The following EXT1 variants were observed in gnomAD, a reference collection of about 807,000 sequenced individuals.
The protein encoded by EXT1 is exostosin glycosyltransferase 1, also known as exostosin-1.
In EXT1, 20 loss-of-function variants were observed where a neutral mutation model predicts 82.5. The ratio of observed to expected loss-of-function variants is 0.24; its 90% CI spans 0.17 to 0.35. EXT1 has a LOEUF of 0.35. Ranked by LOEUF, EXT1 falls within the 10% of genes least tolerant of loss-of-function variation. EXT1 has a pLI of 1.00. For synonymous variants in EXT1, 348 were observed against 350.8 expected (o/e 0.99, Z 0.09); for missense variants, 757 against 936.5 (o/e 0.81, Z 2.50).
chr8:117,886,164 A>G (rs1007874565), intron 1 of EXT1, among the ~76,000 whole-genome samples: 7 of 152,252 alleles, frequency 4.6e-5, no homozygotes, highest in African/African-American at 1.7e-4. Context: ...TAGCAAAAAT[A>G]GCAGTATATA....
intron 1 of EXT1, among the ~76,000 whole-genome samples, chr8:117,992,944 T>C (rs1815465711): frequency 1.3e-5 from 2 of 152,326 alleles, no homozygotes; most frequent in South Asian, 2.1e-4. Context: ...TATTTCAGCT[T>C]CACAGACAGC....
Position 117,818,485 on chromosome 8 carries a change from G to A in EXT1, c.1582C>T (p.Arg528Cys), listed in dbSNP as rs761451875. The A allele has an allele frequency of 4.3e-6, 7 of 1,614,024 alleles. No homozygotes were observed. The highest frequency in any genetic ancestry group is 1.3e-5 in the African/African-American group (1 of 74,996). Reference protein sequence around the residue: ...NCDKPLPAKHRWPATAVPVVV... With the variant: ...NCDKPLPAKHCWPATAVPVVV... ...ACAGGCACAGCAGTGGCAGGCCAGC[G>A]GTGTTTGGCTGGTAGGGGCTTGTCA... Residue 528 changes from arginine to cysteine, a missense_variant, in exon 7 of 11, where the codon CGC (arginine) becomes TGC (cysteine). Physicochemically the swap from Arg to Cys is radical, Grantham distance 180 (BLOSUM62 -3). This residue lies in a region of EXT1 where 207 missense variants were observed against 224.2 expected (regional missense o/e 0.92). Coordinates refer to ENST00000378204, the MANE Select transcript of EXT1 (RefSeq NM_000127.3).
chr8:118,110,321 G>A lies in EXT1; in HGVS notation c.726C>T (p.Pro242=), dbSNP rs776577573. The A allele has an allele frequency of 5.6e-6, 9 of 1,614,056 alleles. No homozygotes were observed. The highest frequency in any genetic ancestry group is 6.8e-6 in the Non-Finnish European group (8 of 1,180,046). ...VSIPLFSKDH[P]RTGGERGFLK... ...AAAACCCCCTCTCCCCTCCTGTCCTGGGATGATCCTTAGAAAAGAGGGGAA... is the reference window on the plus strand; with the variant it reads ...AAAACCCCCTCTCCCCTCCTGTCCTAGGATGATCCTTAGAAAAGAGGGGAA... Residue 242 remains proline, a synonymous_variant, in exon 1 of 11, where the codon CCC becomes CCT. Transcript: ENST00000378204.
In EXT1 at chr8:117,920,659, C is replaced by A. The variant is rs539578091; in HGVS notation, c.963-83458G>T. 3.9e-5 allele frequency among the ~76,000 whole-genome samples: 6 copies of A among 152,160 alleles called. 1 individual carries two copies. The highest frequency in any genetic ancestry group is 1.4e-4 in the African/African-American group (6 of 41,434). ...ACAGCATGCCTTTACACGACCAATACGCCTTACAGTCGCTCATTAGTTACT... is the reference window on the plus strand; with the variant it reads ...ACAGCATGCCTTTACACGACCAATAAGCCTTACAGTCGCTCATTAGTTACT... On this transcript the variant is annotated intron_variant, in intron 1 of 10. Coordinates refer to ENST00000378204, the MANE Select transcript of EXT1 (RefSeq NM_000127.3).
chr8:118,079,322 A>C (rs1817267308), intron 1 of EXT1, among the ~76,000 whole-genome samples: 1 of 152,230 alleles, frequency 6.6e-6, no homozygotes, highest in African/African-American at 2.4e-5. Flanking sequence ...GTTGGAGGCT[A>C]ATTTCCCTCT....
At chr8:117,885,942 T>C (rs910189461) in intron 1 of EXT1, among the ~76,000 whole-genome samples, 1 of 151,870 alleles carries the variant, frequency 6.6e-6, no homozygotes, top group Non-Finnish European at 1.5e-5. Context: ...GATCCTAGAG[T>C]ATGGTGGAAT....
intron 1 of EXT1, among the ~76,000 whole-genome samples, chr8:118,016,051 T>C (rs1045409590): frequency 1.1e-4 from 16 of 152,236 alleles, no homozygotes; most frequent in Non-Finnish European, 2.2e-4. Context: ...ACCTTGATTC[T>C]GGACTTCTAG....
chr8:117,885,877 G>A (rs1445568554), intron 1 of EXT1, among the ~76,000 whole-genome samples: 1 of 152,192 alleles, frequency 6.6e-6, no homozygotes, highest in African/African-American at 2.4e-5. Flanking sequence ...CAGCATTTCT[G>A]TGGACTGCTC....
rs1376938354 is a variant in EXT1, at chr8:118,046,286, C to T, written c.962+63799G>A. ...GCAGCAGATAAGGCTTAGTAACTTA[C>T]TATTGATGTTTTGGATCCATGAGCA... On this transcript the variant is annotated intron_variant, in intron 1 of 10. Coordinates refer to ENST00000378204, the MANE Select transcript of EXT1 (RefSeq NM_000127.3). Among the ~76,000 whole-genome samples, 12 of 152,232 alleles carry T rather than the reference C, an allele frequency of 7.9e-5. No individual in the cohort carries two copies. The East Asian group carries it at 2.1e-3, about 27-fold the overall frequency.
At chr8:118,096,631 GA>G (rs1245941707) in intron 1 of EXT1, among the ~76,000 whole-genome samples, 1,034 of 19,472 alleles carry the variant, frequency 0.053, 8 homozygotes, top group Non-Finnish European at 0.11. Context: ...AGGAAGGAAG[GA>G]AGGAAGGAAG....
intron 7 of EXT1, among the ~76,000 whole-genome samples, chr8:117,818,145 T>C (rs368270338): frequency 6.6e-6 from 1 of 152,290 alleles, no homozygotes; most frequent in East Asian, 1.9e-4. Context: ...ACAGCAACCC[T>C]ACAAGGTATA....
chr8:117,806,496 G>A (rs757518192), intron 9 of EXT1, among the ~76,000 whole-genome samples: 13 of 152,152 alleles, frequency 8.5e-5, no homozygotes, highest in African/African-American at 2.4e-4. Flanking sequence ...CATCAAGGTC[G>A]TGCATCCATG....
intron 1 of EXT1, among the ~76,000 whole-genome samples, chr8:118,004,230 A>G (rs2129817402): frequency 6.6e-6 from 1 of 152,328 alleles, no homozygotes; most frequent in Admixed American, 6.5e-5. Context: ...CCAAGAAGAG[A>G]GGGATTCACG....
chr8:118,100,869 G>T (rs941069907), intron 1 of EXT1, among the ~76,000 whole-genome samples: 1 of 152,072 alleles, frequency 6.6e-6, no homozygotes, highest in African/African-American at 2.4e-5. Context: ...CCCCTCAACT[G>T]CTTCCACCCC....
At chr8:117,931,014 T>C (rs1339592619) in intron 1 of EXT1, among the ~76,000 whole-genome samples, 1 of 152,238 alleles carries the variant, frequency 6.6e-6, no homozygotes, top group African/African-American at 2.4e-5. Context: ...CGTTATCTTA[T>C]ATGGCCTAAA....
intron 1 of EXT1, among the ~76,000 whole-genome samples, chr8:118,077,409 C>T (rs180795968): frequency 2.4e-4 from 37 of 152,302 alleles, no homozygotes; most frequent in South Asian, 1.7e-3. Context: ...ACAGTTATTG[C>T]ACCATAGATA....
At chr8:117,855,669 A>G (rs1300738008) in intron 1 of EXT1, among the ~76,000 whole-genome samples, 1 of 152,060 alleles carries the variant, frequency 6.6e-6, no homozygotes, top group Non-Finnish European at 1.5e-5. Flanking sequence ...CACGTCTCTC[A>G]CTTTATTTAT....
chr8:118,063,173 G>C (rs1409337067), intron 1 of EXT1, among the ~76,000 whole-genome samples: 1 of 151,856 alleles, frequency 6.6e-6, no homozygotes, highest in African/African-American at 2.4e-5. Context: ...AATAGACAAA[G>C]TGGTAGAAAT....
intron 1 of EXT1, among the ~76,000 whole-genome samples, chr8:117,866,793 C>CAAAAAAAAAAA (rs10709657): frequency 1.1e-5 from 1 of 91,848 alleles, no homozygotes; most frequent in African/African-American, 4.3e-5. Flanking sequence ...CTGGCCTACC[C>CAAAAAAAAAAA]AAAAAAAAAA....
Sources: allele counts gnomAD v4.1 joint callset (sites outside exome capture counted in the v4.1 genomes callset), GRCh38; gene constraint gnomAD v4.1.1; regional missense constraint gnomAD v4.1.1; transcripts MANE v1.5; gene names NCBI Gene and HGNC (gene_info 2026-07-23, HGNC 2026-07-21).